The following TMEM120B variants were observed in gnomAD, a reference collection of about 807,000 sequenced individuals.
TMEM120B encodes transmembrane protein 120B.
TMEM120B carries 31 observed loss-of-function variants against 55.5 expected under a neutral mutation model. That is an observed-to-expected ratio of 0.56 (90% CI 0.42 to 0.75). TMEM120B has a LOEUF of 0.75. Among genes scored for constraint, TMEM120B ranks in the 30% least tolerant of loss-of-function variants. TMEM120B has a pLI of 0.00. For synonymous variants in TMEM120B, 203 were observed against 176.3 expected (o/e 1.15, Z -1.20); for missense variants, 399 against 425.5 (o/e 0.94, Z 0.55).
At chr12:121,734,857 G>A (rs1037466842) in intron 1 of TMEM120B, among the ~76,000 whole-genome samples, 5 of 151,624 alleles carry the variant, frequency 3.3e-5, no homozygotes, top group Admixed American at 1.3e-4. Flanking sequence ...AGGTTGCAGC[G>A]AGCTGAGATA....
chr12:121,740,251 G>A (rs2137108985), intron 1 of TMEM120B, among the ~76,000 whole-genome samples: 1 of 152,224 alleles, frequency 6.6e-6, no homozygotes, highest in Non-Finnish European at 1.5e-5. Context: ...TTGGGAGGCT[G>A]AGGCAGGTGA....
chr12:121,725,106 C>T lies in TMEM120B; in HGVS notation c.69+12142C>T, dbSNP rs545893866. On this transcript the variant is annotated intron_variant, in intron 1 of 11. Coordinates refer to ENST00000449592, the MANE Select transcript of TMEM120B (RefSeq NM_001080825.2). ...GTTTTCCTTATAATTACCCTTTTTC[C>T]CCTTTGTTCTGATTTGGGTATTCTA... is the stretch of plus-strand genomic sequence containing the variant. Among the ~76,000 whole-genome samples, 33 of 151,878 alleles carry T rather than the reference C, an allele frequency of 2.2e-4. 1 individual carries two copies. In the South Asian group the frequency reaches 6.9e-3, roughly 32 times the overall value.
chr12:121,771,380 G>C, intron 7 of TMEM120B, 108 bp from the exon 8 acceptor site: 6 of 983,628 alleles, frequency 6.1e-6, no homozygotes, highest in Admixed American at 1.8e-5. Context: ...ACCTCAGTTT[G>C]ACTTTATACA....
chr12:121,771,465 G>T (rs916442236), intron 7 of TMEM120B, 23 bp from the exon 8 acceptor site: 1 of 1,610,992 alleles, frequency 6.2e-7, no homozygotes, highest in Non-Finnish European at 8.5e-7. Context: ...CCCCACCTTT[G>T]TTTTTTCCTA....
At chr12:121,741,050 AT>A (rs1226711126) in intron 1 of TMEM120B, among the ~76,000 whole-genome samples, 3 of 152,126 alleles carry the variant, frequency 2.0e-5, no homozygotes, top group African/African-American at 7.2e-5. Flanking sequence ...GCCAATTTAT[AT>A]AATTTTCACA....
chr12:121,773,130 A>G (rs899024915), intron 8 of TMEM120B, among the ~76,000 whole-genome samples: 1 of 152,208 alleles, frequency 6.6e-6, no homozygotes, highest in Non-Finnish European at 1.5e-5. Context: ...GCAAGCATCT[A>G]TTGAGTGTCT....
intron 4 of TMEM120B, among the ~76,000 whole-genome samples, chr12:121,750,883 A>C (rs1280816271): frequency 1.0e-3 from 32 of 31,532 alleles, no homozygotes; most frequent in Admixed American, 2.2e-3. Context: ...ACCACACACC[A>C]CACCCCACAT....
At chr12:121,718,265 T>G (rs1445502769) in intron 1 of TMEM120B, among the ~76,000 whole-genome samples, 1 of 152,074 alleles carries the variant, frequency 6.6e-6, no homozygotes, top group African/African-American at 2.4e-5. Context: ...GGCAGAGCAC[T>G]TTGAGCTTAG....
chr12:121,766,472 C>G (rs1181668280), intron 6 of TMEM120B, among the ~76,000 whole-genome samples: 1 of 152,108 alleles, frequency 6.6e-6, no homozygotes, highest in African/African-American at 2.4e-5. Flanking sequence ...CCTGCGATGG[C>G]CCCCAGCGGC....
intron 1 of TMEM120B, 34 bp from the exon 2 acceptor site, chr12:121,743,595 C>T (rs771972731): frequency 1.3e-6 from 2 of 1,540,598 alleles, no homozygotes; most frequent in Non-Finnish European, 1.8e-6. Context: ...TCATATTCTC[C>T]CACACACCCT....
At chr12:121,723,074 C>T (rs1327577422) in intron 1 of TMEM120B, among the ~76,000 whole-genome samples, 1 of 152,076 alleles carries the variant, frequency 6.6e-6, no homozygotes, top group African/African-American at 2.4e-5. Context: ...TCTCAAACTC[C>T]TGACCTCAGG....
chr12:121,713,308 C>A (rs1012559073), intron 1 of TMEM120B, among the ~76,000 whole-genome samples: 1 of 152,134 alleles, frequency 6.6e-6, no homozygotes, highest in Non-Finnish European at 1.5e-5. Context: ...GCCCAGCCCC[C>A]ACCTCTGCAG....
At chr12:121,750,009 G>GATA (rs1026510047) in intron 3 of TMEM120B, among the ~76,000 whole-genome samples, 61 of 151,170 alleles carry the variant, frequency 4.0e-4, no homozygotes, top group Admixed American at 1.1e-3. Context: ...TAATAACAAT[G>GATA]ATAATAATAA....
chr12:121,748,483 G>T (rs1433307246), intron 3 of TMEM120B, 41 bp downstream of exon 3: 2 of 1,396,224 alleles, frequency 1.4e-6, no homozygotes, highest in Middle Eastern at 1.8e-4. Flanking sequence ...ACAGGCCCAT[G>T]CCCAGGCCTA....
rs1592951577 is a variant in TMEM120B at position 121,774,731 on chromosome 12, C to T, written c.837+9C>T. The T allele has an allele frequency of 1.9e-6, 3 of 1,613,566 alleles. No homozygotes were observed. Among genetic ancestry groups the T allele is most frequent in the Admixed American group, 1.7e-5 (1 of 59,984 alleles). On this transcript the variant is annotated intron_variant, in intron 10 of 11. Coordinates refer to ENST00000449592, the MANE Select transcript of TMEM120B (RefSeq NM_001080825.2). The stretch of plus-strand genomic sequence containing the variant: ...TCCTCTTCTGTGGCCATGTGAGTCC[C>T]CCTGGAGTTTGTGGGTATCTCCTGT...
chr12:121,752,392 G>T lies in TMEM120B; in HGVS notation c.461+169G>T, dbSNP rs569473407. Among the ~76,000 whole-genome samples the T allele has an allele frequency of 1.2e-4, 19 of 152,258 alleles. No homozygotes were observed. In the South Asian group the frequency reaches 3.3e-3, roughly 27 times the overall value. On this transcript the variant is annotated intron_variant, in intron 5 of 11. Coordinates refer to ENST00000449592, the MANE Select transcript of TMEM120B (RefSeq NM_001080825.2). ...CTCATGGGAAATGCCAGTCCTGTCT[G>T]CCCCACCTCCATCCAACAAGTATCT...
intron 6 of TMEM120B, among the ~76,000 whole-genome samples, chr12:121,766,952 C>T (rs536339716): frequency 1.3e-5 from 2 of 152,316 alleles, no homozygotes; most frequent in Non-Finnish European, 2.9e-5. Flanking sequence ...GCCCAAGGCA[C>T]AGAGCCAGGA....
chr12:121,754,755 G>A (rs971835669), intron 5 of TMEM120B, among the ~76,000 whole-genome samples: 1 of 152,126 alleles, frequency 6.6e-6, no homozygotes, highest in African/African-American at 2.4e-5. Flanking sequence ...TCCAAATAAG[G>A]TCACATTCTG....
intron 1 of TMEM120B, among the ~76,000 whole-genome samples, chr12:121,733,768 C>G (rs1341470389): frequency 6.8e-6 from 1 of 146,976 alleles, no homozygotes; most frequent in East Asian, 2.1e-4. Context: ...GAACTCTTGA[C>G]CTCAAGTGAT....
Sources: allele counts gnomAD v4.1 joint callset (sites outside exome capture counted in the v4.1 genomes callset), GRCh38; gene constraint gnomAD v4.1.1; transcripts MANE v1.5; gene names NCBI Gene and HGNC (gene_info 2026-07-23, HGNC 2026-07-21).